The following CTNNB1 variants were observed in gnomAD, a reference collection of about 807,000 sequenced individuals.
The protein encoded by CTNNB1 is catenin beta-1.
Under a neutral mutation model 82.5 loss-of-function variants are expected in CTNNB1, and 6 were observed. That is an observed-to-expected ratio of 0.07 (90% CI 0.04 to 0.14). The LOEUF (loss-of-function observed/expected upper bound fraction) is 0.14, where lower values mean the gene tolerates loss of function less well. CTNNB1 is among the 10% of genes least tolerant of loss of function. CTNNB1 has a pLI of 1.00. For synonymous variants in CTNNB1, 312 were observed against 329.7 expected (o/e 0.95, Z 0.58); for missense variants, 529 against 980.4 (o/e 0.54, Z 6.15).
chr3:41,228,214 T>A (rs768898383), intron 7 of CTNNB1, among the ~76,000 whole-genome samples: 20 of 147,082 alleles, frequency 1.4e-4, no homozygotes, highest in Admixed American at 1.3e-4. Context: ...TAAAAAGATT[T>A]CTTTTTCTTT....
At position 41,236,619 on chromosome 3, in the gene CTNNB1, G is replaced by A. The variant is rs749661798; in HGVS notation, c.1986G>A (p.Met662Ile). The A allele has an allele frequency of 6.2e-7, 1 of 1,614,184 alleles. No individual in the cohort carries two copies. Among genetic ancestry groups the A allele is most frequent in the Non-Finnish European group, 8.5e-7 (1 of 1,180,036 alleles). ...ATGCAGCTGCTGTTTTGTTCCGAAT[G>A]TCTGAGGACAAGCCACAAGATTACA... Reference protein sequence around the residue: ...ATYAAAVLFRMSEDKPQDYKK... With the variant: ...ATYAAAVLFRISEDKPQDYKK... The change falls in exon 13 of 15, where the codon ATG (methionine) becomes ATA (isoleucine). Residue 662 changes from methionine to isoleucine, a missense_variant. Around this residue, in one of 4 missense-constraint regions of CTNNB1, gnomAD observed 3 missense variants for 24.6 expected, o/e 0.12. Coordinates refer to ENST00000349496, the MANE Select transcript of CTNNB1 (RefSeq NM_001904.4).
chr3:41,206,239 AAGTT>A (rs1274949804), intron 1 of CTNNB1, among the ~76,000 whole-genome samples: 4 of 152,280 alleles, frequency 2.6e-5, no homozygotes, highest in Non-Finnish European at 5.9e-5. Context: ...AACCTACTTT[AAGTT>A]AGTTCAAGTT....
chr3:41,235,937 G>A, intron 11 of CTNNB1, 94 bp downstream of exon 11: 1 of 1,417,594 alleles, frequency 7.1e-7, no homozygotes, highest in Admixed American at 1.7e-5. Flanking sequence ...GACCATAATA[G>A]GGTTACCAAC....
At chr3:41,214,249 C>G (rs1463339767) in intron 1 of CTNNB1, among the ~76,000 whole-genome samples, 1 of 152,144 alleles carries the variant, frequency 6.6e-6, no homozygotes, top group Non-Finnish European at 1.5e-5. Flanking sequence ...CAGGGCCCTT[C>G]CCCAGCCCCT....
rs34653633 is a variant in CTNNB1, at chr3:41,239,921, A to ATTTTTTTTTTTTTTTTTTTT, written c.*598_*599insTTTTTTTTTTTTTTTTTTTT. 1 of 154,902 alleles carries ATTTTTTTTTTTTTTTTTTTT rather than the reference A, an allele frequency of 6.5e-6. No individual in the cohort carries two copies. Among genetic ancestry groups the ATTTTTTTTTTTTTTTTTTTT allele is most frequent in the Non-Finnish European group, 1.3e-5 (1 of 78,602 alleles). 9.6% of individuals were successfully genotyped at this position (154,902 alleles called of 1,614,324 possible). A position where few individuals can be genotyped will look rare whatever the true frequency, so the allele number is the denominator to read the frequency against. On this transcript the variant is annotated 3_prime_UTR_variant, in exon 15 of 15. Transcript: ENST00000349496. ...ATCAAACCCTAGCCTTGCTTGTTAA[A>ATTTTTTTTTTTTTTTTTTTT]TTTTTTTTTTTTTTTTTTTAAGAAT...
chr3:41,239,309 C>G lies in CTNNB1; in HGVS notation c.2313C>G (p.Ser771Arg), dbSNP rs2125654096. Residue 771 changes from serine (S) to arginine (R), a missense_variant, in exon 15 of 15, where the codon AGC (serine) becomes AGG (arginine). Coordinates refer to ENST00000349496, the MANE Select transcript of CTNNB1 (RefSeq NM_001904.4). ...DLMDGLPPGD[S>R]NQLAWFDTDL ...TGGATGGGCTGCCTCCAGGTGACAG[C>G]AATCAGCTGGCCTGGTTTGATACTG... is the stretch of plus-strand genomic sequence containing the variant. The G allele has an allele frequency of 6.2e-7, 1 of 1,614,134 alleles. No homozygotes were observed.
chr3:41,231,280 T>G (rs1160525234), intron 7 of CTNNB1, among the ~76,000 whole-genome samples: 1 of 149,524 alleles, frequency 6.7e-6, no homozygotes, highest in East Asian at 2.0e-4. Context: ...TGAGCTGAGA[T>G]AGCGCCACTG....
At chr3:41,234,016 C>G in intron 9 of CTNNB1, 123 bp from the exon 10 acceptor site, 1 of 1,455,138 alleles carries the variant, frequency 6.9e-7, no homozygotes, top group South Asian at 1.2e-5. Context: ...GGGTAAGATT[C>G]TGAAATGTTT....
At position 41,233,561 on chromosome 3, in the gene CTNNB1, T is replaced by C. The variant is rs2078360911; in HGVS notation, c.1218T>C (p.Val406=). 6.2e-7 allele frequency: 1 copy of C among 1,614,110 alleles called. No individual in the cohort carries two copies. Among genetic ancestry groups the C allele is most frequent in the Non-Finnish European group, 8.5e-7 (1 of 1,180,050 alleles). The change falls in exon 9 of 15, where the codon GTT becomes GTC. Residue 406 remains valine (V), a synonymous_variant. Coordinates refer to ENST00000349496, the MANE Select transcript of CTNNB1 (RefSeq NM_001904.4). ...TGGAAGGTCTCCTTGGGACTCTTGT[T>C]CAGCTTCTGGGTTCAGATGATATAA... ...EGMEGLLGTL[V]QLLGSDDINV...
intron 7 of CTNNB1, among the ~76,000 whole-genome samples, chr3:41,228,492 A>G (rs2078231488): frequency 6.6e-6 from 1 of 152,002 alleles, no homozygotes; most frequent in Non-Finnish European, 1.5e-5. Context: ...TTTTCTTCAT[A>G]TGTTTCTTGG....
chr3:41,204,345 C>T (rs755930849), intron 1 of CTNNB1, among the ~76,000 whole-genome samples: 6 of 152,024 alleles, frequency 3.9e-5, no homozygotes, highest in Non-Finnish European at 5.9e-5. Context: ...AAATTGCTAC[C>T]GGGGACTTAA....
intron 1 of CTNNB1, among the ~76,000 whole-genome samples, chr3:41,218,524 T>C (rs571444965): frequency 6.6e-6 from 1 of 152,194 alleles, no homozygotes; most frequent in African/African-American, 2.4e-5. Context: ...AATTGTGATA[T>C]GGCCAGTTTT....
Position 41,236,631 on chromosome 3 carries a change from G to A in CTNNB1, c.1998G>A (p.Lys666=), listed in dbSNP as rs752665424. The A allele has an allele frequency of 2.5e-6, 4 of 1,614,222 alleles. No homozygotes were observed. Among genetic ancestry groups the A allele is most frequent in the Admixed American group, 1.7e-5 (1 of 60,030 alleles). The change falls in exon 13 of 15, where the codon AAG becomes AAA. Residue 666 remains lysine, a synonymous_variant. Transcript: ENST00000349496. ...AAVLFRMSED[K]PQDYKKRLSV... is the part of the protein sequence containing the mutation. ...TTTTGTTCCGAATGTCTGAGGACAAGCCACAAGATTACAAGAAACGGCTTT... is the reference window on the plus strand; with the variant it reads ...TTTTGTTCCGAATGTCTGAGGACAAACCACAAGATTACAAGAAACGGCTTT...
In CTNNB1 at chr3:41,233,454, G is replaced by A. The variant is rs2078358720; in HGVS notation, c.1185+10G>A. 3.1e-6 allele frequency: 5 copies of A among 1,613,902 alleles called. No homozygotes were observed. The highest frequency in any genetic ancestry group is 4.2e-6 in the Non-Finnish European group (5 of 1,179,888). ...TGCTGCAACTAAACAGGTAAATTCT[G>A]AGTAAACTGGTGCCATGGGAATAGA... On this transcript the variant is annotated intron_variant, in intron 8 of 14. Coordinates refer to ENST00000349496, the MANE Select transcript of CTNNB1 (RefSeq NM_001904.4).
At chr3:41,238,603 C>T (rs1266629491) in intron 14 of CTNNB1, among the ~76,000 whole-genome samples, 7 of 152,130 alleles carry the variant, frequency 4.6e-5, no homozygotes, top group East Asian at 1.9e-4. Context: ...ACCACTAAAG[C>T]GCAGATTCTT....
intron 1 of CTNNB1, among the ~76,000 whole-genome samples, chr3:41,208,907 C>T (rs1053993223): frequency 1.3e-5 from 2 of 152,198 alleles, no homozygotes; most frequent in Non-Finnish European, 2.9e-5. Context: ...TCCTTCCACT[C>T]ACCACCTCAG....
chr3:41,202,300 A>G (rs1187846018), intron 1 of CTNNB1, among the ~76,000 whole-genome samples: 1 of 152,190 alleles, frequency 6.6e-6, no homozygotes, highest in Non-Finnish European at 1.5e-5. Context: ...TTAAGTTTGT[A>G]CTTTGAGCTT....
In CTNNB1 at chr3:41,235,837, T is replaced by G. The variant is rs1404476844; in HGVS notation, c.1797T>G (p.Phe599Leu). 1.2e-6 allele frequency: 2 copies of G among 1,614,158 alleles called. No homozygotes were observed. Among genetic ancestry groups the G allele is most frequent in the South Asian group, 2.2e-5 (2 of 91,082 alleles). Residue 599 changes from phenylalanine (F) to leucine (L), a missense_variant, in exon 11 of 15, where the codon TTT becomes TTG. This residue lies in a region of CTNNB1 where 411 missense variants were observed against 776.4 expected (regional missense o/e 0.53). Transcript: ENST00000349496. ...VIRGLNTIPL[F>L]VQLLYSPIEN... ...GAGGACTAAATACCATTCCATTGTTTGTGCAGGTATGTTTTAAGTGAAGTG... is the reference window on the plus strand; with the variant it reads ...GAGGACTAAATACCATTCCATTGTTGGTGCAGGTATGTTTTAAGTGAAGTG...
chr3:41,233,270 G>GA, intron 7 of CTNNB1, 71 bp from the exon 8 acceptor site: 2 of 1,304,070 alleles, frequency 1.5e-6, no homozygotes, highest in East Asian at 4.7e-5. Context: ...CCTAAGGCTA[G>GA]AACAGATATT....
Sources: allele counts gnomAD v4.1 joint callset (sites outside exome capture counted in the v4.1 genomes callset), GRCh38; gene constraint gnomAD v4.1.1; regional missense constraint gnomAD v4.1.1; transcripts MANE v1.5; gene names NCBI Gene and HGNC (gene_info 2026-07-23, HGNC 2026-07-21).